Variants in GRID2 observed in about 807,000 individuals in gnomAD.
GRID2 encodes glutamate receptor ionotropic, delta-2.
Under a neutral mutation model 114.8 loss-of-function variants are expected in GRID2, and 33 were observed. That is an observed-to-expected ratio of 0.29 (90% confidence interval 0.22 to 0.38). GRID2 has a LOEUF of 0.38. GRID2 is among the 10% of genes least tolerant of loss of function. The probability of loss-of-function intolerance (pLI) is 1.00; values close to 1 mark genes in which losing one functional copy is unlikely to be tolerated. For synonymous variants in GRID2, 505 were observed against 449.9 expected (o/e 1.12, Z -1.55); for missense variants, 1,184 against 1,257.7 (o/e 0.94, Z 0.89).
chr4:92,432,278 T>A (rs1420682979), intron 1 of GRID2, among the ~76,000 whole-genome samples: 1 of 151,828 alleles, frequency 6.6e-6, no homozygotes, highest in South Asian at 2.1e-4. Flanking sequence ...GGCCCAAGGG[T>A]TCTTTAGTTA....
At chr4:93,492,338 A>G (rs1159742986) in intron 12 of GRID2, among the ~76,000 whole-genome samples, 2 of 151,902 alleles carry the variant, frequency 1.3e-5, no homozygotes, top group Non-Finnish European at 2.9e-5. Context: ...ACTAAAGTTG[A>G]GAGGATAAGT....
chr4:93,496,915 T>C (rs1326838214), intron 12 of GRID2, among the ~76,000 whole-genome samples: 1 of 151,974 alleles, frequency 6.6e-6, no homozygotes, highest in East Asian at 1.9e-4. Flanking sequence ...AATTGCTCGG[T>C]CATGTGTTAA....
intron 4 of GRID2, among the ~76,000 whole-genome samples, chr4:93,157,118 A>G (rs187058975): frequency 1.1e-4 from 17 of 151,812 alleles, no homozygotes; most frequent in African/African-American, 4.1e-4. Flanking sequence ...AAATGAATCC[A>G]GATCCCATGT....
At chr4:93,357,101 G>T (rs1236614611) in intron 8 of GRID2, among the ~76,000 whole-genome samples, 2 of 151,216 alleles carry the variant, frequency 1.3e-5, no homozygotes, top group East Asian at 1.9e-4. Context: ...AAGTCTGAAG[G>T]TTTTTCATAT....
intron 1 of GRID2, among the ~76,000 whole-genome samples, chr4:92,317,080 G>A (rs555993052): frequency 6.6e-6 from 1 of 152,196 alleles, no homozygotes; most frequent in African/African-American, 2.4e-5. Flanking sequence ...ATTTAATACT[G>A]TATATCAGAT....
intron 2 of GRID2, among the ~76,000 whole-genome samples, chr4:92,741,832 G>A (rs530864932): frequency 6.6e-6 from 1 of 152,194 alleles, no homozygotes; most frequent in Admixed American, 6.5e-5. Flanking sequence ...TTCAGAATTG[G>A]TGTCTTAAGT....
Position 93,172,463 on chromosome 4 carries a change from G to A in GRID2, c.736-34941G>A, listed in dbSNP as rs536952997. Among the ~76,000 whole-genome samples the A allele has an allele frequency of 3.0e-4, 46 of 151,984 alleles. 1 individual carries two copies. In the South Asian group the frequency reaches 5.6e-3, roughly 19 times the overall value. On this transcript the variant is annotated intron_variant, in intron 4 of 15. Transcript: ENST00000282020. ...AAAAATTAGCCAAGCATGGTGGCAC[G>A]TGCCTTTAATCCCAGCTACTTGGAA...
intron 2 of GRID2, among the ~76,000 whole-genome samples, chr4:92,664,491 CAT>C (rs1468639195): frequency 2.6e-5 from 4 of 151,008 alleles, no homozygotes; most frequent in Non-Finnish European, 4.5e-5. Context: ...ACTTAGGTCT[CAT>C]GTGCAGTTAA....
intron 1 of GRID2, among the ~76,000 whole-genome samples, chr4:92,326,172 A>C (rs754544189): frequency 1.3e-4 from 20 of 151,906 alleles, no homozygotes; most frequent in Non-Finnish European, 2.7e-4. Flanking sequence ...GAATTGAGCT[A>C]TCACTGCAAT....
At chr4:93,548,704 G>C (rs1256673541) in intron 13 of GRID2, among the ~76,000 whole-genome samples, 1 of 152,032 alleles carries the variant, frequency 6.6e-6, no homozygotes, top group South Asian at 2.1e-4. Flanking sequence ...TTTTAAGAAA[G>C]GGCAGAACTA....
At chr4:92,315,874 G>T (rs1456682669) in intron 1 of GRID2, among the ~76,000 whole-genome samples, 2 of 151,530 alleles carry the variant, frequency 1.3e-5, no homozygotes, top group Non-Finnish European at 2.9e-5. Context: ...AGGGGCTGAG[G>T]CAGGAGAATT....
chr4:93,059,116 G>A (rs952590846), intron 2 of GRID2, among the ~76,000 whole-genome samples: 1 of 152,044 alleles, frequency 6.6e-6, no homozygotes, highest in East Asian at 1.9e-4. Context: ...TATGTATAAT[G>A]TAAATGTATC....
At chr4:93,021,387 A>G (rs1295056860) in intron 2 of GRID2, among the ~76,000 whole-genome samples, 1 of 150,282 alleles carries the variant, frequency 6.7e-6, no homozygotes, top group African/African-American at 2.4e-5. Flanking sequence ...GATCTATATT[A>G]TAAATGTTAA....
chr4:93,276,257 C>T (rs1168277587), intron 8 of GRID2, among the ~76,000 whole-genome samples: 1 of 151,974 alleles, frequency 6.6e-6, no homozygotes, highest in Non-Finnish European at 1.5e-5. Context: ...ATACAATTGA[C>T]TATAAATATG....
intron 8 of GRID2, among the ~76,000 whole-genome samples, chr4:93,272,441 A>T (rs1751565058): frequency 6.6e-6 from 1 of 152,176 alleles, no homozygotes. Flanking sequence ...GCACTTTCAA[A>T]AAGCAAAGAG....
At chr4:92,998,977 G>T (rs1191173608) in intron 2 of GRID2, among the ~76,000 whole-genome samples, 3 of 151,760 alleles carry the variant, frequency 2.0e-5, no homozygotes, top group Middle Eastern at 3.2e-3. Context: ...TTATGATATA[G>T]CTTGAGGTCT....
intron 2 of GRID2, among the ~76,000 whole-genome samples, chr4:92,638,765 C>G: frequency 6.7e-6 from 1 of 150,010 alleles, no homozygotes; most frequent in Admixed American, 6.7e-5. Flanking sequence ...TTTTTAATAA[C>G]AAATTTATTT....
chr4:92,540,783 C>T (rs910306394), intron 1 of GRID2, among the ~76,000 whole-genome samples: 1 of 152,062 alleles, frequency 6.6e-6, no homozygotes, highest in South Asian at 2.1e-4. Flanking sequence ...CCCAGCCATC[C>T]CATTACTGGG....
At chr4:92,815,914 C>CAA (rs5860292) in intron 2 of GRID2, among the ~76,000 whole-genome samples, 114 of 46,826 alleles carry the variant, frequency 2.4e-3, no homozygotes, top group East Asian at 4.8e-3. Flanking sequence ...GACCCTGTCT[C>CAA]AAAAAAAAAA....
Sources: allele counts gnomAD v4.1 joint callset (sites outside exome capture counted in the v4.1 genomes callset), GRCh38; gene constraint gnomAD v4.1.1; transcripts MANE v1.5; gene names NCBI Gene and HGNC (gene_info 2026-07-23, HGNC 2026-07-21).